FAM53A: variants seen among roughly 807,000 people sequenced by gnomAD.
FAM53A encodes the protein protein FAM53A.
A neutral mutation model predicts 26.6 loss-of-function variants in FAM53A; 28 were observed. The ratio of observed to expected loss-of-function variants is 1.05; its 90% CI spans 0.78 to 1.45. The LOEUF (loss-of-function observed/expected upper bound fraction) is 1.45, where lower values mean the gene tolerates loss of function less well. Among genes scored for constraint, FAM53A ranks in the 40% most tolerant of loss-of-function variants. The pLI is 0.00. For synonymous variants in FAM53A, 290 were observed against 253.1 expected (o/e 1.15, Z -1.38); for missense variants, 650 against 575.8 (o/e 1.13, Z -1.32).
downstream of FAM53A, among the ~76,000 whole-genome samples, chr4:1,638,129 C>T (rs1248402386): frequency 6.6e-6 from 1 of 152,114 alleles, no homozygotes; most frequent in Non-Finnish European, 1.5e-5. Context: ...ACCCCCAAGG[C>T]TGCCCCCGGC....
intron 1 of FAM53A, among the ~76,000 whole-genome samples, chr4:1,623,002 C>T (rs556708066): frequency 6.6e-6 from 1 of 152,336 alleles, no homozygotes; most frequent in South Asian, 2.1e-4. Context: ...GCTCTTGTGC[C>T]CATGGGGAAA....
At chr4:1,637,659 G>T (rs2108790566), downstream of FAM53A, among the ~76,000 whole-genome samples, 1 of 152,076 alleles carries the variant, frequency 6.6e-6, no homozygotes, top group South Asian at 2.1e-4. Context: ...GTGGGCAGGG[G>T]TGGGCCACTG....
chr4:1,575,142 A>C, the FAM53A span, among the ~76,000 whole-genome samples: 2 of 152,116 alleles, frequency 1.3e-5, no homozygotes, highest in African/African-American at 4.8e-5. Context: ...CTGGGGGAAG[A>C]GGCAGCTGGG....
At chr4:1,606,243 C>T in the FAM53A span, among the ~76,000 whole-genome samples, 6 of 151,232 alleles carry the variant, frequency 4.0e-5, no homozygotes, top group African/African-American at 1.5e-4. Flanking sequence ...GACAGGGTTT[C>T]ACCGTGTTAG....
At chr4:1,616,853 T>C (rs557039448), downstream of FAM53A, among the ~76,000 whole-genome samples, 3 of 152,320 alleles carry the variant, frequency 2.0e-5, no homozygotes, top group Admixed American at 1.3e-4. Flanking sequence ...GTTTCACTTA[T>C]GGGCTGGGCA....
At chr4:1,631,536 G>A (rs755086025) in intron 1 of FAM53A, among the ~76,000 whole-genome samples, 3 of 152,300 alleles carry the variant, frequency 2.0e-5, no homozygotes, top group Non-Finnish European at 4.4e-5. Flanking sequence ...GCAGTCCCAG[G>A]GAAACAGCCT....
chr4:1,657,787 A>C (rs577718517), intron 2 of FAM53A, among the ~76,000 whole-genome samples: 18 of 146,832 alleles, frequency 1.2e-4, no homozygotes, highest in African/African-American at 3.3e-4. Flanking sequence ...ACAGGCGCCC[A>C]CCACCACGCC....
chr4:1,623,005 T>C (rs1188114119), intron 1 of FAM53A, among the ~76,000 whole-genome samples: 1 of 152,174 alleles, frequency 6.6e-6, no homozygotes, highest in African/African-American at 2.4e-5. Context: ...CTTGTGCCCA[T>C]GGGGAAACGA....
downstream of FAM53A, among the ~76,000 whole-genome samples, chr4:1,614,903 G>A (rs901219626): frequency 2.0e-5 from 3 of 152,128 alleles, no homozygotes; most frequent in South Asian, 2.1e-4. Flanking sequence ...CTATGCTGAC[G>A]GACACCAGAT....
At chr4:1,604,990 C>A in the FAM53A span, among the ~76,000 whole-genome samples, 5 of 152,134 alleles carry the variant, frequency 3.3e-5, no homozygotes, top group East Asian at 1.9e-4. Flanking sequence ...TTGGCAGGAA[C>A]CTGCCCCTCT....
chr4:1,581,839 CCCT>C, the FAM53A span, among the ~76,000 whole-genome samples: 1 of 151,850 alleles, frequency 6.6e-6, no homozygotes, highest in African/African-American at 2.4e-5. Context: ...AGGTGATCTG[CCCT>C]CCTCATCCTC....
At chr4:1,623,403 C>G (rs114667883) in intron 1 of FAM53A, among the ~76,000 whole-genome samples, 2,326 of 150,768 alleles carry the variant, frequency 0.015, 67 homozygotes, top group African/African-American at 0.052. Context: ...TTCCGGCCCC[C>G]GAGGGATGGC....
the FAM53A span, among the ~76,000 whole-genome samples, chr4:1,602,420 G>T: frequency 6.6e-6 from 1 of 152,264 alleles, no homozygotes; most frequent in African/African-American, 2.4e-5. Flanking sequence ...CACAAAGGCT[G>T]CGGCAAATGA....
downstream of FAM53A, among the ~76,000 whole-genome samples, chr4:1,638,261 C>A (rs555441186): frequency 3.9e-5 from 6 of 152,020 alleles, no homozygotes; most frequent in African/African-American, 1.4e-4. Flanking sequence ...TGGGGACAAG[C>A]CCCAGGGGCC....
the FAM53A span, among the ~76,000 whole-genome samples, chr4:1,602,422 G>A: frequency 0.044 from 6,777 of 152,332 alleles, 223 homozygotes; most frequent in Middle Eastern, 0.099. Flanking sequence ...CAAAGGCTGC[G>A]GCAAATGAAA....
chr4:1,575,160 C>T, the FAM53A span, among the ~76,000 whole-genome samples: 1 of 152,276 alleles, frequency 6.6e-6, no homozygotes, highest in South Asian at 2.1e-4. Context: ...GGGGGCCACC[C>T]GGCAGGGCTG....
chr4:1,592,292 G>A, the FAM53A span, among the ~76,000 whole-genome samples: 2 of 152,184 alleles, frequency 1.3e-5, no homozygotes, highest in Non-Finnish European at 2.9e-5. Flanking sequence ...GCGCGTACCA[G>A]CCACGTCCAC....
intron 1 of FAM53A, among the ~76,000 whole-genome samples, chr4:1,675,794 T>A (rs1180338382): frequency 6.6e-6 from 1 of 152,126 alleles, no homozygotes; most frequent in Non-Finnish European, 1.5e-5. Flanking sequence ...ACCCTGGTCC[T>A]CCAACTCCCC....
At chr4:1,593,127 C>T in the FAM53A span, among the ~76,000 whole-genome samples, 2 of 152,166 alleles carry the variant, frequency 1.3e-5, no homozygotes, top group Non-Finnish European at 2.9e-5. Context: ...GTGCGGGAGC[C>T]GGTGGCGGCC....
Sources: gnomAD v4.1 joint callset for allele counts (sites outside exome capture counted in the v4.1 genomes callset) on GRCh38, gnomAD v4.1.1 for gene constraint, MANE v1.5 for transcripts, NCBI Gene and HGNC (gene_info 2026-07-23, HGNC 2026-07-21) for gene names.